CACNA1A: variants seen among roughly 807,000 people sequenced by gnomAD.
CACNA1A encodes the protein calcium voltage-gated channel subunit alpha1 A.
In CACNA1A, 57 loss-of-function variants were observed where a neutral mutation model predicts 262.4. That is an observed-to-expected ratio of 0.22 (90% confidence interval 0.18 to 0.27). The LOEUF (loss-of-function observed/expected upper bound fraction) is 0.27, where lower values mean the gene tolerates loss of function less well. Among genes scored for constraint, CACNA1A ranks in the 10% least tolerant of loss-of-function variants. The pLI is 1.00. For synonymous variants in CACNA1A, 1,431 were observed against 1,419.3 expected, an observed-to-expected ratio of 1.01 and a Z score of -0.18; for missense variants, 2,526 against 3,562.8, an observed-to-expected ratio of 0.71 and a Z score of 7.41.
chr19:13,471,211 T>C (rs984883291), intron 1 of CACNA1A, among the ~76,000 whole-genome samples: 1 of 152,198 alleles, frequency 6.6e-6, no homozygotes, highest in Non-Finnish European at 1.5e-5. Flanking sequence ...CTCAATGACA[T>C]CTGCAAAGAT....
At chr19:13,369,606 A>C (rs947957590) in intron 4 of CACNA1A, among the ~76,000 whole-genome samples, 1 of 152,242 alleles carries the variant, frequency 6.6e-6, no homozygotes, top group Non-Finnish European at 1.5e-5. Context: ...GTTCACACAC[A>C]GTGAAGTACC....
intron 35 of CACNA1A, among the ~76,000 whole-genome samples, chr19:13,230,987 GTT>G (rs1168337382): frequency 7.6e-6 from 1 of 132,244 alleles, no homozygotes; most frequent in African/African-American, 2.9e-5. Flanking sequence ...CCCTCGCAAT[GTT>G]TTTTTTTTTT....
chr19:13,370,212 T>C (rs2059296332), intron 4 of CACNA1A, among the ~76,000 whole-genome samples: 1 of 151,182 alleles, frequency 6.6e-6, no homozygotes, highest in African/African-American at 2.4e-5. Flanking sequence ...GTGATTCTCC[T>C]GCCTCAGCCT....
intron 3 of CACNA1A, among the ~76,000 whole-genome samples, chr19:13,389,377 C>T: frequency 6.6e-6 from 1 of 152,116 alleles, no homozygotes; most frequent in East Asian, 1.9e-4. Context: ...AGTAAGCATT[C>T]TCGTACCTGC....
In CACNA1A at chr19:13,245,184, C is replaced by A; in HGVS notation, c.4948G>T (p.Gly1650Trp). ...AGAGAAGCTGGAGGGAGACTTACCCCAAACTCAGTCACGAGGATATCGGTG... is the reference window on the plus strand; with the variant it reads ...AGAGAAGCTGGAGGGAGACTTACCCAAAACTCAGTCACGAGGATATCGGTG... ...SITDILVTEF[G>W]NNFINLSFLR... Residue 1650 changes from glycine to tryptophan, a missense_variant and splice_region_variant, in exon 31 of 47, where the codon GGG (glycine) becomes TGG (tryptophan). By Grantham distance (184) the Gly-to-Trp change is radical. Transcript: ENST00000360228. The A allele has an allele frequency of 6.2e-7, 1 of 1,613,134 alleles. No homozygotes were observed. Among genetic ancestry groups the A allele is most frequent in the Non-Finnish European group, 8.5e-7 (1 of 1,179,128 alleles).
At chr19:13,429,473 G>A (rs977947874) in intron 3 of CACNA1A, among the ~76,000 whole-genome samples, 2 of 146,234 alleles carry the variant, frequency 1.4e-5, no homozygotes, top group South Asian at 4.3e-4. Flanking sequence ...ACGCTGACAC[G>A]AGAGATGTGT....
chr19:13,283,496 C>A, intron 21 of CACNA1A, 100 bp from the exon 22 acceptor site: 1 of 1,471,794 alleles, frequency 6.8e-7, no homozygotes, highest in Non-Finnish European at 9.3e-7. Context: ...CTGAGATCTC[C>A]AACCCCCAAG....
chr19:13,223,683 G>A (rs78274743), intron 38 of CACNA1A, among the ~76,000 whole-genome samples: 1,790 of 152,208 alleles, frequency 0.012, 18 homozygotes, highest in South Asian at 0.017. Context: ...TCAATGCCCC[G>A]GGTGTCCTGT....
rs553773575 is a variant in CACNA1A, at chr19:13,281,690, G to A, written c.3822+1577C>T. ...AAGAAGGCGGTGGGGGTGGGGGATC[G>A]AGGAGGCACATGCCGCGTGGGGCGT... On this transcript the variant is annotated intron_variant, in intron 22 of 46. Transcript: ENST00000360228. Among the ~76,000 whole-genome samples the A allele has an allele frequency of 7.9e-5, 12 of 152,316 alleles. No individual in the cohort carries two copies. In the South Asian group the frequency reaches 1.0e-3, roughly 13 times the overall value.
chr19:13,432,368 T>A (rs1371190574), intron 3 of CACNA1A, among the ~76,000 whole-genome samples: 1 of 151,024 alleles, frequency 6.6e-6, no homozygotes, highest in Non-Finnish European at 1.5e-5. Flanking sequence ...TGAGCCAAGA[T>A]GGCACCATTG....
chr19:13,219,319 GGCGTGA>G (rs2055135041), intron 38 of CACNA1A, among the ~76,000 whole-genome samples: 1 of 152,104 alleles, frequency 6.6e-6, no homozygotes, highest in South Asian at 2.1e-4. Flanking sequence ...TGGGATTACA[GGCGTGA>G]GCCACCGTGC....
chr19:13,418,331 T>C (rs978853055), intron 3 of CACNA1A, among the ~76,000 whole-genome samples: 11 of 152,106 alleles, frequency 7.2e-5, no homozygotes, highest in African/African-American at 2.2e-4. Flanking sequence ...GTGGTGTGTG[T>C]ACGTGGGAGG....
chr19:13,472,489 C>A (rs949177552), intron 1 of CACNA1A, among the ~76,000 whole-genome samples: 1 of 152,164 alleles, frequency 6.6e-6, no homozygotes, highest in African/African-American at 2.4e-5. Context: ...TCTCTGCCAA[C>A]TTCTTGGGTG....
chr19:13,227,550 A>C (rs2055503373), intron 36 of CACNA1A, 23 bp from the exon 37 acceptor site: 1 of 1,379,502 alleles, frequency 7.2e-7, no homozygotes, highest in Non-Finnish European at 1.0e-6. Context: ...AAAATGAAAA[A>C]AACAAAAACA....
intron 3 of CACNA1A, chr19:13,451,393 A>G (rs987891322): frequency 6.6e-6 from 1 of 152,268 alleles, no homozygotes; most frequent in African/African-American, 2.4e-5. Flanking sequence ...TGTCCAGTGA[A>G]GAAGGGTCTT....
At chr19:13,407,679 T>C (rs1221081004) in intron 3 of CACNA1A, among the ~76,000 whole-genome samples, 2 of 152,212 alleles carry the variant, frequency 1.3e-5, no homozygotes, top group Non-Finnish European at 2.9e-5. Flanking sequence ...ATTGTTATGC[T>C]GCAACAATGC....
At chr19:13,346,653 TATATATATATA>T (rs1180749755) in intron 6 of CACNA1A, among the ~76,000 whole-genome samples, 2 of 6,100 alleles carry the variant, frequency 3.3e-4, no homozygotes, top group African/African-American at 1.4e-3. Context: ...TATATATATA[TATATATATATA>T]TATTTTTTTT....
chr19:13,215,741 T>C (rs142999059), intron 38 of CACNA1A, among the ~76,000 whole-genome samples: 47 of 151,422 alleles, frequency 3.1e-4, no homozygotes, highest in African/African-American at 1.1e-3. Context: ...TTCAGCTTCC[T>C]GAGTAGCTGG....
intron 10 of CACNA1A, among the ~76,000 whole-genome samples, chr19:13,322,752 C>T (rs370511856): frequency 6.6e-6 from 1 of 152,070 alleles, no homozygotes; most frequent in Non-Finnish European, 1.5e-5. Flanking sequence ...TGCACTACTG[C>T]ACCCAGCTAA....
Sources: allele counts gnomAD v4.1 joint callset (sites outside exome capture counted in the v4.1 genomes callset), GRCh38; gene constraint gnomAD v4.1.1; transcripts MANE v1.5; gene names NCBI Gene and HGNC (gene_info 2026-07-23, HGNC 2026-07-21).